COPS5: variants seen among roughly 807,000 people sequenced by gnomAD.
COPS5 encodes the protein COP9 signalosome complex subunit 5.
A neutral mutation model predicts 44.4 loss-of-function variants in COPS5; 8 were observed. That is an observed-to-expected ratio of 0.18 (90% CI 0.11 to 0.32). The LOEUF (loss-of-function observed/expected upper bound fraction) is 0.32, where lower values mean the gene tolerates loss of function less well. COPS5 is among the 10% of genes least tolerant of loss of function. The pLI, the probability that COPS5 is intolerant of heterozygous loss-of-function variation, is 1.00. For synonymous variants in COPS5, 122 were observed against 142.8 expected (o/e 0.85, Z 1.04); for missense variants, 159 against 406.4 (o/e 0.39, Z 5.23).
rs575007490 is a variant in COPS5, at chr8:67,054,882, C to CA, written c.659+1636dup. Among the ~76,000 whole-genome samples, 13 of 149,990 alleles carry CA rather than the reference C, an allele frequency of 8.7e-5. No homozygotes were observed. In the East Asian group the frequency reaches 1.6e-3, roughly 18 times the overall value. On this transcript the variant is annotated intron_variant, in intron 5 of 7. Transcript: ENST00000357849. Reference sequence around the variant, plus strand: ...ATTTGTGTTCACATTCTAAAGGGGTCAAAAAAAAGATGTCAAAACATATCA... The same window carrying CA: ...ATTTGTGTTCACATTCTAAAGGGGTCAAAAAAAAAGATGTCAAAACATATCA...
At chr8:67,058,454 C>A (rs558321398) in intron 2 of COPS5, among the ~76,000 whole-genome samples, 1 of 152,238 alleles carries the variant, frequency 6.6e-6, no homozygotes, top group East Asian at 1.9e-4. Context: ...TACCACATAA[C>A]ATAATAATGT....
intron 6 of COPS5, among the ~76,000 whole-genome samples, chr8:67,050,846 T>C (rs928566814): frequency 3.3e-5 from 5 of 152,160 alleles, no homozygotes; most frequent in African/African-American, 1.2e-4. Context: ...TCCTCAACTT[T>C]GCAACTTACA....
At chr8:67,056,251 C>G (rs1046905513) in intron 5 of COPS5, among the ~76,000 whole-genome samples, 1 of 152,018 alleles carries the variant, frequency 6.6e-6, no homozygotes, top group Admixed American at 6.6e-5. Flanking sequence ...TTTGTCTATG[C>G]CTTTTGTCTC....
intron 6 of COPS5, among the ~76,000 whole-genome samples, chr8:67,050,087 G>GC (rs1316333952): frequency 6.7e-6 from 1 of 148,290 alleles, no homozygotes; most frequent in Non-Finnish European, 1.5e-5. Flanking sequence ...TGCAGGCTCT[G>GC]CCCCCCGGGG....
chr8:67,060,311 G>A (rs755481299), intron 1 of COPS5: 8 of 1,168,322 alleles, frequency 6.8e-6, no homozygotes, highest in Non-Finnish European at 8.6e-6. Context: ...ATATTTAAGA[G>A]TACACGAACC....
intron 1 of COPS5, chr8:67,060,651 A>ACTTATT: frequency 2.5e-6 from 1 of 393,654 alleles, no homozygotes; most frequent in Non-Finnish European, 4.5e-6. Context: ...ACCAATAAGT[A>ACTTATT]GGTCTTATTT....
chr8:67,050,614 A>AGG (rs1554544973), intron 6 of COPS5, among the ~76,000 whole-genome samples: 1 of 141,056 alleles, frequency 7.1e-6, no homozygotes. Context: ...TGAGTGTGAG[A>AGG]GTGTGTGTGT....
chr8:67,045,720 T>C, intron 7 of COPS5, 92 bp downstream of exon 7: 1 of 1,254,814 alleles, frequency 8.0e-7, no homozygotes. Flanking sequence ...GTAACTAACT[T>C]GAGCCATAAG....
intron 6 of COPS5, 187 bp downstream of exon 6, chr8:67,051,043 G>T: frequency 1.8e-6 from 1 of 553,832 alleles, no homozygotes; most frequent in South Asian, 2.5e-5. Flanking sequence ...TGGTCTCTGT[G>T]GGTCATGACA....
intron 1 of COPS5, chr8:67,060,427 C>T (rs1387121297): frequency 7.8e-7 from 1 of 1,287,446 alleles, no homozygotes; most frequent in Admixed American, 2.3e-5. Flanking sequence ...GATGTCTGCC[C>T]ACAGAAAGAA....
intron 7 of COPS5, chr8:67,044,354 GCAA>G (rs1816673269): frequency 6.6e-6 from 1 of 151,520 alleles, no homozygotes; most frequent in South Asian, 2.1e-4. Context: ...GCCGAAAAAC[GCAA>G]CTTTTATGCA....
At position 67,060,582 on chromosome 8, in the gene COPS5, A is replaced by G. The variant is rs149047922; in HGVS notation, c.144-1137T>C. On this transcript the variant is annotated intron_variant, in intron 1 of 7. Coordinates refer to ENST00000357849, the MANE Select transcript of COPS5 (RefSeq NM_006837.3). ...AAGAAAGACAAGTTACTGTGCTCCT[A>G]TTACATACATTCTAGACGACTCTTT... 4.4e-4 allele frequency: 445 copies of G among 1,022,836 alleles called. 7 individuals carry two copies. In the African/African-American group the frequency reaches 6.9e-3, roughly 16 times the overall value. The allele number at this position is 1,022,836 out of a possible 1,614,324, so 63.4% of individuals were successfully genotyped here. A position where few individuals can be genotyped will look rare whatever the true frequency, so the allele number is the denominator to read the frequency against.
At chr8:67,061,320 G>A in intron 1 of COPS5, 1 of 420,934 alleles carries the variant, frequency 2.4e-6, no homozygotes. Context: ...TATAGGCCCA[G>A]GCCTCACGCC....
At chr8:67,050,948 T>C (rs1433493146) in intron 6 of COPS5, among the ~76,000 whole-genome samples, 1 of 151,952 alleles carries the variant, frequency 6.6e-6, no homozygotes, top group Non-Finnish European at 1.5e-5. Context: ...CAAAAATCAA[T>C]ATGTGTATTT....
At chr8:67,058,861 A>G (rs1804547640) in intron 2 of COPS5, among the ~76,000 whole-genome samples, 1 of 151,966 alleles carries the variant, frequency 6.6e-6, no homozygotes, top group African/African-American at 2.4e-5. Flanking sequence ...AAAATTATCC[A>G]GGCCTACTGG....
chr8:67,054,284 CT>C (rs1053401489), intron 5 of COPS5, among the ~76,000 whole-genome samples: 6 of 152,054 alleles, frequency 3.9e-5, no homozygotes, highest in Non-Finnish European at 7.4e-5. Flanking sequence ...CTGTCTCAAT[CT>C]TTTTTTGTTT....
chr8:67,048,864 A>T (rs1274892693), intron 6 of COPS5, among the ~76,000 whole-genome samples: 2 of 152,218 alleles, frequency 1.3e-5, no homozygotes, highest in Non-Finnish European at 2.9e-5. Flanking sequence ...AAAGTAGCCC[A>T]TTTAATTTTC....
chr8:67,051,393 G>A (rs768590590), intron 5 of COPS5, 52 bp from the exon 6 acceptor site: 6 of 978,646 alleles, frequency 6.1e-6, no homozygotes, highest in East Asian at 2.5e-5. Flanking sequence ...ATTCAACTAC[G>A]TCACATAAAA....
intron 5 of COPS5, 42 bp from the exon 6 acceptor site, chr8:67,051,383 A>T (rs74387468): frequency 1.8e-6 from 2 of 1,098,750 alleles, no homozygotes; most frequent in Non-Finnish European, 2.7e-6. Context: ...AAAAAAAAAA[A>T]TTCAACTACG....
Sources: gnomAD v4.1 joint callset for allele counts (sites outside exome capture counted in the v4.1 genomes callset) on GRCh38, gnomAD v4.1.1 for gene constraint, MANE v1.5 for transcripts, NCBI Gene and HGNC (gene_info 2026-07-23, HGNC 2026-07-21) for gene names.